The following DENND4C variants were observed in gnomAD, a reference collection of about 807,000 sequenced individuals.
DENND4C encodes the protein DENN domain-containing protein 4C.
A neutral mutation model predicts 203.0 loss-of-function variants in DENND4C; 108 were observed. The observed-to-expected ratio is 0.53, with a 90% CI of 0.46 to 0.62. DENND4C has a LOEUF of 0.62. DENND4C is among the 20% of genes least tolerant of loss of function. The probability of loss-of-function intolerance (pLI) is 0.00; values close to 1 mark genes in which losing one functional copy is unlikely to be tolerated. For synonymous variants in DENND4C, 871 were observed against 792.4 expected, an observed-to-expected ratio of 1.10 and a Z score of -1.67; for missense variants, 2,481 against 2,301.2, an observed-to-expected ratio of 1.08 and a Z score of -1.60.
intron 1 of DENND4C, among the ~76,000 whole-genome samples, chr9:19,242,715 G>A (rs1487422801): frequency 6.6e-6 from 1 of 151,826 alleles, no homozygotes; most frequent in East Asian, 1.9e-4. Context: ...GAGTGCAATG[G>A]CGAGATCTCG....
At chr9:19,248,426 G>A (rs185179262) in intron 1 of DENND4C, among the ~76,000 whole-genome samples, 84 of 151,708 alleles carry the variant, frequency 5.5e-4, no homozygotes, top group Middle Eastern at 3.4e-3. Context: ...TCTTACTCTT[G>A]TTGCCCAGGC....
intron 17 of DENND4C, among the ~76,000 whole-genome samples, chr9:19,334,728 G>T (rs1261038377): frequency 6.6e-6 from 1 of 151,950 alleles, no homozygotes. Context: ...GTTTCACCAT[G>T]TTGGCCAGGT....
chr9:19,313,278 T>C (rs914069699), intron 10 of DENND4C, among the ~76,000 whole-genome samples: 3 of 152,188 alleles, frequency 2.0e-5, no homozygotes, highest in African/African-American at 7.2e-5. Flanking sequence ...CTTACTCTAA[T>C]TGGTACAAAA....
intron 9 of DENND4C, among the ~76,000 whole-genome samples, chr9:19,304,771 G>A (rs1463521913): frequency 2.8e-5 from 4 of 144,744 alleles, no homozygotes; most frequent in South Asian, 2.2e-4. Flanking sequence ...GGATGGTCTC[G>A]ATCTCCTGAC....
At chr9:19,231,996 G>A (rs1019604084) in intron 1 of DENND4C, among the ~76,000 whole-genome samples, 3 of 152,196 alleles carry the variant, frequency 2.0e-5, no homozygotes, top group African/African-American at 7.2e-5. Context: ...TATCAGAAAT[G>A]CAGAGCGTTG....
chr9:19,373,541 G>GTTTTTTTAGGTTTTTTTTAGGTTTTTTT lies in DENND4C; in HGVS notation c.*1369_*1370insTTTTTTAGGTTTTTTTTAGGTTTTTTTT, dbSNP rs1829182447. The GTTTTTTTAGGTTTTTTTTAGGTTTTTTT allele has an allele frequency of 6.6e-6, 1 of 152,572 alleles. No homozygotes were observed. The highest frequency in any genetic ancestry group is 1.5e-5 in the Non-Finnish European group (1 of 68,018). 9.5% of individuals were successfully genotyped at this position (152,572 alleles called of 1,614,324 possible). On this transcript the variant is annotated 3_prime_UTR_variant, in exon 33 of 33. Coordinates refer to ENST00000434457, the MANE Select transcript of DENND4C (RefSeq NM_001330640.2). Reference sequence around the variant, plus strand: ...TGCTTGTGAGTAAAAATGTGCATTTGTAAATACTGTGTTTTTAGGTTGAAT... The same window carrying GTTTTTTTAGGTTTTTTTTAGGTTTTTTT: ...TGCTTGTGAGTAAAAATGTGCATTTGTTTTTTTAGGTTTTTTTTAGGTTTTTTTTAAATACTGTGTTTTTAGGTTGAAT...
intron 6 of DENND4C, 133 bp from the exon 7 acceptor site, chr9:19,297,923 T>C: frequency 1.6e-6 from 1 of 631,360 alleles, no homozygotes; most frequent in Non-Finnish European, 2.6e-6. Flanking sequence ...GCAAATTTAC[T>C]TACTTAGCCT....
intron 5 of DENND4C, among the ~76,000 whole-genome samples, chr9:19,295,109 T>C (rs12341581): frequency 0.9 from 137,628 of 152,238 alleles, 62,346 homozygotes; most frequent in East Asian, 1. Context: ...CAGTGGCTCA[T>C]GCCTATAATC....
In DENND4C at chr9:19,372,802, G is replaced by GT. The variant is rs1829053229; in HGVS notation, c.*630dup. On this transcript the variant is annotated 3_prime_UTR_variant, in exon 33 of 33. Transcript: ENST00000434457. ...CGCTTGAACTGAGGCAGAGGCTACAGTGAGTGGAGATCACGCCACTGCAAC... is the reference window on the plus strand; with the variant it reads ...CGCTTGAACTGAGGCAGAGGCTACAGTTGAGTGGAGATCACGCCACTGCAAC... 6.8e-6 allele frequency: 1 copy of GT among 147,722 alleles called. No homozygotes were observed. The allele number at this position is 147,722 out of a possible 1,614,324, so 9.2% of individuals were successfully genotyped here.
chr9:19,286,544 T>C (rs1419931060), intron 2 of DENND4C, among the ~76,000 whole-genome samples: 1 of 152,154 alleles, frequency 6.6e-6, no homozygotes, highest in African/African-American at 2.4e-5. Context: ...TTAAATTATG[T>C]TTTGGCTTTT....
At position 19,296,088 on chromosome 9, in the gene DENND4C, G is replaced by A. The variant is rs763501710; in HGVS notation, c.882G>A (p.Leu294=). ...AGAAACAGCTTATGCACCTGGGCTT[G>A]TTGACGCCTGTGGAGAGAAAAATGG... is the stretch of plus-strand genomic sequence containing the variant. The part of the protein sequence containing the change: ...LSEKQLMHLG[L]LTPVERKMVS... The change falls in exon 6 of 33, where the codon TTG becomes TTA. Residue 294 remains leucine (L), a synonymous_variant. Coordinates refer to ENST00000434457, the MANE Select transcript of DENND4C (RefSeq NM_001330640.2). 1.2e-6 allele frequency: 2 copies of A among 1,614,114 alleles called. No homozygotes were observed. The highest frequency in any genetic ancestry group is 1.6e-4 in the Middle Eastern group (1 of 6,062).
At chr9:19,350,607 ATT>A in intron 23 of DENND4C, 93 bp from the exon 24 acceptor site, 1 of 1,045,870 alleles carries the variant, frequency 9.6e-7, no homozygotes, top group Non-Finnish European at 1.4e-6. Flanking sequence ...TTGTTTAAGG[ATT>A]ATAGAGTTTA....
At chr9:19,246,982 A>G (rs1231723506) in intron 1 of DENND4C, among the ~76,000 whole-genome samples, 4 of 151,242 alleles carry the variant, frequency 2.6e-5, no homozygotes, top group East Asian at 3.9e-4. Flanking sequence ...TTTTTCCCCA[A>G]CTCTTTCCAG....
At chr9:19,272,695 T>G (rs1700769515) in intron 1 of DENND4C, among the ~76,000 whole-genome samples, 1 of 152,206 alleles carries the variant, frequency 6.6e-6, no homozygotes, top group South Asian at 2.1e-4. Flanking sequence ...CCTAAAATTA[T>G]AAAACATTTA....
chr9:19,264,797 A>G (rs748308358), intron 1 of DENND4C, among the ~76,000 whole-genome samples: 1 of 148,284 alleles, frequency 6.7e-6, no homozygotes, highest in Non-Finnish European at 1.5e-5. Flanking sequence ...AATTTGATTT[A>G]TTTCTGCTGT....
At chr9:19,303,350 C>G (rs1186145223) in intron 9 of DENND4C, among the ~76,000 whole-genome samples, 1 of 151,988 alleles carries the variant, frequency 6.6e-6, no homozygotes, top group Admixed American at 6.6e-5. Flanking sequence ...AAATGGTGGC[C>G]GAATCCTGCC....
chr9:19,268,314 G>C (rs1410850641), intron 1 of DENND4C, among the ~76,000 whole-genome samples: 1 of 152,072 alleles, frequency 6.6e-6, no homozygotes, highest in East Asian at 1.9e-4. Context: ...TGTCCAGGCT[G>C]GTATTGAACG....
chr9:19,247,049 G>A (rs982890330), intron 1 of DENND4C, among the ~76,000 whole-genome samples: 65 of 152,020 alleles, frequency 4.3e-4, no homozygotes, highest in Admixed American at 2.9e-3. Flanking sequence ...TTCTCAATCC[G>A]TAAATTACTC....
chr9:19,336,209 A>G (rs926964794), intron 18 of DENND4C, 61 bp from the exon 19 acceptor site: 18 of 1,436,822 alleles, frequency 1.3e-5, no homozygotes, highest in Non-Finnish European at 1.6e-5. Flanking sequence ...ACATATATGT[A>G]TGTATTTTTA....
Sources: gnomAD v4.1 joint callset for allele counts (sites outside exome capture counted in the v4.1 genomes callset) on GRCh38, gnomAD v4.1.1 for gene constraint, MANE v1.5 for transcripts, NCBI Gene and HGNC (gene_info 2026-07-23, HGNC 2026-07-21) for gene names.